The following MTFP1 variants were observed in gnomAD, a reference collection of about 807,000 sequenced individuals.
MTFP1 encodes the protein mitochondrial fission process protein 1.
In MTFP1, 19 loss-of-function variants were observed where a neutral mutation model predicts 17.1. The ratio of observed to expected loss-of-function variants is 1.11; its 90% CI spans 0.77 to 1.63. The LOEUF (loss-of-function observed/expected upper bound fraction) is 1.63. Among genes scored for constraint, MTFP1 ranks in the 40% most tolerant of loss-of-function variants. MTFP1 has a pLI of 0.00. For missense variants in MTFP1, 221 were observed against 226.2 expected, an observed-to-expected ratio of 0.98 and a Z score of 0.15; for synonymous variants, 89 against 95.2, an observed-to-expected ratio of 0.93 and a Z score of 0.38.
In MTFP1 at chr22:30,427,353, C is replaced by G. The variant is rs1019201715; in HGVS notation, c.378C>G (p.Thr126=). 10 of 1,614,062 alleles carry G rather than the reference C, an allele frequency of 6.2e-6. No homozygotes were observed. In the Admixed American group the frequency reaches 1.0e-4, roughly 16 times the overall value. ...CCCTGGCTGTCCGCAAGTGGACCAC[C>G]ACCGCGCTTGGGCTGTTGACCATCC... ...RWPLAVRKWT[T]TALGLLTIPI... The change falls in exon 3 of 4, where the codon ACC becomes ACG. Residue 126 remains threonine (T), a synonymous_variant. Transcript: ENST00000266263.
intron 3 of MTFP1, 56 bp from the exon 4 acceptor site, chr22:30,428,406 C>T: frequency 6.6e-7 from 1 of 1,506,536 alleles, no homozygotes; most frequent in Middle Eastern, 1.9e-4. Flanking sequence ...CTTCTGCCTT[C>T]TGTTCCCTCA....
chr22:30,428,721 C>A lies in MTFP1; in HGVS notation c.*187C>A, dbSNP rs757274985. The A allele has an allele frequency of 4.5e-6, 7 of 1,565,214 alleles. No homozygotes were observed. The highest frequency in any genetic ancestry group is 6.2e-6 in the Non-Finnish European group (7 of 1,136,818). On this transcript the variant is annotated 3_prime_UTR_variant, in exon 4 of 4. Coordinates refer to ENST00000266263, the MANE Select transcript of MTFP1 (RefSeq NM_016498.5). Reference sequence around the variant, plus strand: ...GTGGCTGCAGGGAGTCACAGAAGGGCAGGACCTGAACGCTGTCTGCTTCCC... The same window carrying A: ...GTGGCTGCAGGGAGTCACAGAAGGGAAGGACCTGAACGCTGTCTGCTTCCC...
At chr22:30,428,343 G>A (rs1934706519) in intron 3 of MTFP1, 119 bp from the exon 4 acceptor site, 2 of 826,262 alleles carry the variant, frequency 2.4e-6, no homozygotes, top group African/African-American at 3.4e-5. Flanking sequence ...GTGGGTCTCT[G>A]GCTGGATGGC....
At position 30,428,460 on chromosome 22, in the gene MTFP1, A is replaced by G; in HGVS notation, c.429-2A>G. 1 of 1,613,918 alleles carries G rather than the reference A, an allele frequency of 6.2e-7. No homozygotes were observed. Among genetic ancestry groups the G allele is most frequent in the Non-Finnish European group, 8.5e-7 (1 of 1,179,888 alleles). ...TGCTCACCACCCTTCCACTCCCTAC[A>G]GGTCGGTGGATTTCCTCCTGGACTC... On this transcript the variant is annotated splice_acceptor_variant, in intron 3 of 3. Coordinates refer to ENST00000266263, the MANE Select transcript of MTFP1 (RefSeq NM_016498.5). LOFTEE classifies it high-confidence loss of function.
At position 30,425,946 on chromosome 22, in the gene MTFP1, G is replaced by C. The variant is rs1207307919; in HGVS notation, c.67G>C (p.Gly23Arg). The C allele has an allele frequency of 3.3e-6, 5 of 1,512,412 alleles. No individual in the cohort carries two copies. The highest frequency in any genetic ancestry group is 4.4e-6 in the Non-Finnish European group (5 of 1,130,130). The allele number at this position is 1,512,412 out of a possible 1,614,324, so 93.7% of individuals were successfully genotyped here. A position where few individuals can be genotyped will look rare whatever the true frequency, so the allele number is the denominator to read the frequency against. Residue 23 changes from glycine (G) to arginine (R), a missense_variant and splice_region_variant, in exon 1 of 4, where the codon GGC (glycine) becomes CGC (arginine). Physicochemically the swap from Gly to Arg is moderately radical, Grantham distance 125. Transcript: ENST00000266263. ...CCGGGACACGTGGGTGCGATACCTG[G>C]GTGAGCGCGGGGCGACGGGCGCGGC... Reference protein sequence around the residue: ...LYRDTWVRYLGYANEVGEAFR... With the variant: ...LYRDTWVRYLRYANEVGEAFR...
rs763631195 is a variant in MTFP1 at position 30,428,548 on chromosome 22, C to T, written c.*14C>T. On this transcript the variant is annotated 3_prime_UTR_variant, in exon 4 of 4. Coordinates refer to ENST00000266263, the MANE Select transcript of MTFP1 (RefSeq NM_016498.5). ...AGCTCCTCCTGATCATACTCTGGTA[C>T]CTGGCCTGTGCATCGGCCTCCTGCT... 6.2e-7 allele frequency: 1 copy of T among 1,614,198 alleles called. No individual in the cohort carries two copies. The highest frequency in any genetic ancestry group is 8.5e-7 in the Non-Finnish European group (1 of 1,180,028).
rs1934709533 is a variant in MTFP1, at chr22:30,428,510, AGT to A, written c.479_480del (p.Val160GlyfsTer54). 1 of 1,613,996 alleles carries A rather than the reference AGT, an allele frequency of 6.2e-7. No individual in the cohort carries two copies. The highest frequency in any genetic ancestry group is 8.5e-7 in the Non-Finnish European group (1 of 1,180,022). On this transcript the variant is annotated frameshift_variant, in exon 4 of 4. Transcript: ENST00000266263. LOFTEE classifies it high-confidence loss of function. ...DSSLRKLYPT[V>X]GKPSSS ...CCAGCCTGCGCAAGCTCTACCCAACAGTGGGGAAGCCCAGCTCCTCCTGATCA... is the reference window on the plus strand; with the variant it reads ...CCAGCCTGCGCAAGCTCTACCCAACAGGGGAAGCCCAGCTCCTCCTGATCA...
At chr22:30,426,873 A>C in intron 2 of MTFP1, 29 bp downstream of exon 2, 2 of 1,603,912 alleles carry the variant, frequency 1.2e-6, no homozygotes, top group Non-Finnish European at 1.7e-6. Context: ...TCCAACCCCC[A>C]ACCCTAGCTC....
chr22:30,426,774 G>C lies in MTFP1; in HGVS notation c.125G>C (p.Trp42Ser). 1.2e-6 allele frequency: 2 copies of C among 1,614,076 alleles called. No homozygotes were observed. Among genetic ancestry groups the C allele is most frequent in the Non-Finnish European group, 8.5e-7 (1 of 1,180,008 alleles). The change falls in exon 2 of 4, where the codon TGG (tryptophan) becomes TCG (serine). Residue 42 changes from tryptophan (W) to serine (S), a missense_variant. Trp to Ser is a radical substitution (Grantham distance 177). Coordinates refer to ENST00000266263, the MANE Select transcript of MTFP1 (RefSeq NM_016498.5). Reference protein sequence around the residue: ...FRSLVPAAVVWLSYGVASSYV... With the variant: ...FRSLVPAAVVSLSYGVASSYV... Reference sequence around the variant, plus strand: ...TCTCTTGTGCCAGCGGCGGTGGTGTGGCTGAGCTATGGCGTGGCCAGCTCC... The same window carrying C: ...TCTCTTGTGCCAGCGGCGGTGGTGTCGCTGAGCTATGGCGTGGCCAGCTCC...
rs1418435394 is a variant in MTFP1, at chr22:30,425,936, G to A, written c.57G>A (p.Val19=). 1 of 1,527,984 alleles carries A rather than the reference G, an allele frequency of 6.5e-7. No homozygotes were observed. Among genetic ancestry groups the A allele is most frequent in the Admixed American group, 2.1e-5 (1 of 48,748 alleles). 94.7% of individuals were successfully genotyped at this position (1,527,984 alleles called of 1,614,324 possible). A position where few individuals can be genotyped will look rare whatever the true frequency, so the allele number is the denominator to read the frequency against. ...GCGATCTCTACCGGGACACGTGGGT[G>A]CGATACCTGGGTGAGCGCGGGGCGA... is the stretch of plus-strand genomic sequence containing the variant. ...AERDLYRDTW[V]RYLGYANEVG... Residue 19 remains valine (V), a synonymous_variant, in exon 1 of 4, where the codon GTG becomes GTA. Transcript: ENST00000266263.
chr22:30,425,787 G>T lies in MTFP1; in HGVS notation c.-93G>T. On this transcript the variant is annotated 5_prime_UTR_variant, in exon 1 of 4. Transcript: ENST00000266263. ...CCTGTCCTTCGGCGCGGGACTTTCG[G>T]CGGGTCCCGGCCGGGCAGACCCAAG... 7.6e-7 allele frequency: 1 copy of T among 1,314,320 alleles called. No homozygotes were observed. The allele number at this position is 1,314,320 out of a possible 1,614,324, so 81.4% of individuals were successfully genotyped here. A position where few individuals can be genotyped will look rare whatever the true frequency, so the allele number is the denominator to read the frequency against.
chr22:30,426,931 G>A (rs535750399), intron 2 of MTFP1, 87 bp downstream of exon 2: 12 of 1,583,182 alleles, frequency 7.6e-6, no homozygotes, highest in Middle Eastern at 1.7e-4. Flanking sequence ...TAAAGTCCCT[G>A]TGGGACACTC....
At chr22:30,427,106 G>A (rs761121966) in intron 2 of MTFP1, 65 bp from the exon 3 acceptor site, 47 of 1,559,106 alleles carry the variant, frequency 3.0e-5, no homozygotes, top group Middle Eastern at 1.7e-4. Flanking sequence ...GTCTAGCCTC[G>A]TGCCCCTTGT....
intron 1 of MTFP1, 59 bp downstream of exon 1, chr22:30,426,005 T>C (rs1601795275): frequency 7.1e-7 from 1 of 1,407,952 alleles, no homozygotes. Flanking sequence ...GAAGCAGGGG[T>C]CGCCGGACGC....
Position 30,427,213 on chromosome 22 carries a change from G to T in MTFP1, c.238G>T (p.Ala80Ser). ...AGGCCGCAGCGCCAGGGTGACTGTG[G>T]CTGTGGTGGACACCTTTGTATGGCA... ...EAGRSARVTV[A>S]VVDTFVWQAL... is the part of the protein sequence containing the mutation. Residue 80 changes from alanine to serine, a missense_variant, in exon 3 of 4, where the codon GCT becomes TCT. Transcript: ENST00000266263. The T allele has an allele frequency of 6.2e-7, 1 of 1,614,100 alleles. No homozygotes were observed.
chr22:30,425,803 C>A lies in MTFP1; in HGVS notation c.-77C>A. The A allele has an allele frequency of 7.1e-7, 1 of 1,418,194 alleles. No individual in the cohort carries two copies. Among genetic ancestry groups the A allele is most frequent in the Non-Finnish European group, 9.4e-7 (1 of 1,069,006 alleles). The allele number at this position is 1,418,194 out of a possible 1,614,324, so 87.9% of individuals were successfully genotyped here. On this transcript the variant is annotated 5_prime_UTR_variant, in exon 1 of 4. Coordinates refer to ENST00000266263, the MANE Select transcript of MTFP1 (RefSeq NM_016498.5). ...GGACTTTCGGCGGGTCCCGGCCGGGCAGACCCAAGTGCCGGCGGCGGAGAC... is the reference window on the plus strand; with the variant it reads ...GGACTTTCGGCGGGTCCCGGCCGGGAAGACCCAAGTGCCGGCGGCGGAGAC...
rs1934708273 is a variant in MTFP1, at chr22:30,428,455, C to G, written c.429-7C>G. On this transcript the variant is annotated splice_region_variant and splice_polypyrimidine_tract_variant and intron_variant, in intron 3 of 3. Transcript: ENST00000266263. Reference sequence around the variant, plus strand: ...TCACCTGCTCACCACCCTTCCACTCCCTACAGGTCGGTGGATTTCCTCCTG... The same window carrying G: ...TCACCTGCTCACCACCCTTCCACTCGCTACAGGTCGGTGGATTTCCTCCTG... 1.2e-6 allele frequency: 2 copies of G among 1,613,666 alleles called. No individual in the cohort carries two copies. Among genetic ancestry groups the G allele is most frequent in the Admixed American group, 1.7e-5 (1 of 59,988 alleles).
chr22:30,428,776 C>G lies in MTFP1; in HGVS notation c.*242C>G, dbSNP rs1395485958. ...ATCCAAGATGCTGAGTGGAAGTGGACCCTGGGTGGGCCCGGCCCTGTCTTT... is the reference window on the plus strand; with the variant it reads ...ATCCAAGATGCTGAGTGGAAGTGGAGCCTGGGTGGGCCCGGCCCTGTCTTT... On this transcript the variant is annotated 3_prime_UTR_variant, in exon 4 of 4. Coordinates refer to ENST00000266263, the MANE Select transcript of MTFP1 (RefSeq NM_016498.5). The G allele has an allele frequency of 1.7e-6, 2 of 1,154,128 alleles. No homozygotes were observed. Among genetic ancestry groups the G allele is most frequent in the African/African-American group, 3.1e-5 (2 of 65,224 alleles). 71.5% of individuals were successfully genotyped at this position (1,154,128 alleles called of 1,614,324 possible).
At position 30,425,859 on chromosome 22, in the gene MTFP1, C is replaced by T. The variant is rs73390246; in HGVS notation, c.-21C>T. The T allele has an allele frequency of 2.0e-4, 303 of 1,532,974 alleles. 1 individual carries two copies. In the African/African-American group the frequency reaches 3.8e-3, roughly 19 times the overall value. 95.0% of individuals were successfully genotyped at this position (1,532,974 alleles called of 1,614,324 possible). On this transcript the variant is annotated 5_prime_UTR_variant, in exon 1 of 4. Transcript: ENST00000266263. ...TGGAGCCAGTACCGGCTGTAGTGGC[C>T]GGGGCCGTGGCGGGAGAGTCATGTC... is the stretch of plus-strand genomic sequence containing the variant.
Sources: allele counts gnomAD v4.1 joint callset, GRCh38; gene constraint gnomAD v4.1.1; transcripts MANE v1.5; gene names NCBI Gene and HGNC (gene_info 2026-07-23, HGNC 2026-07-21).